The following ADK variants were observed in gnomAD, a reference collection of about 807,000 sequenced individuals.
ADK encodes adenosine kinase.
ADK carries 24 observed loss-of-function variants against 44.7 expected under a neutral mutation model. The ratio of observed to expected loss-of-function variants is 0.54; its 90% CI spans 0.39 to 0.76. The LOEUF (loss-of-function observed/expected upper bound fraction) is 0.76, where lower values mean the gene tolerates loss of function less well. ADK is among the 30% of genes least tolerant of loss of function. The pLI is 0.00. For synonymous variants in ADK, 128 were observed against 142.6 expected, an observed-to-expected ratio of 0.90 and a Z score of 0.73; for missense variants, 321 against 425.1, an observed-to-expected ratio of 0.76 and a Z score of 2.15.
intron 4 of ADK, among the ~76,000 whole-genome samples, chr10:74,364,531 A>G (rs1842437284): frequency 1.3e-5 from 2 of 152,154 alleles, no homozygotes; most frequent in Admixed American, 6.6e-5. Flanking sequence ...TAACTCTGAA[A>G]CTTTTCCTGT....
At chr10:74,322,742 C>T (rs557296118) in intron 4 of ADK, among the ~76,000 whole-genome samples, 1 of 151,616 alleles carries the variant, frequency 6.6e-6, no homozygotes, top group African/African-American at 2.4e-5. Context: ...TCCTTTCTCT[C>T]TCTTCTTCCC....
chr10:74,340,333 T>C (rs942785948), intron 4 of ADK, among the ~76,000 whole-genome samples: 1 of 152,142 alleles, frequency 6.6e-6, no homozygotes, highest in Non-Finnish European at 1.5e-5. Flanking sequence ...AAAAAGTCAG[T>C]TGTTTCCTTA....
At position 74,362,302 on chromosome 10, in the gene ADK, A is replaced by T. The variant is rs540646948; in HGVS notation, c.274-31839A>T. ...CATATTTTTAATCATTTTTCTTTGA[A>T]CTCACTGATTCTTTTATTTGGTTAA... On this transcript the variant is annotated intron_variant, in intron 4 of 10. Transcript: ENST00000539909. 2.7e-5 allele frequency among the ~76,000 whole-genome samples: 4 copies of T among 146,242 alleles called. No homozygotes were observed. The South Asian group carries it at 8.6e-4, about 32-fold the overall frequency.
At position 74,151,302 on chromosome 10, in the gene ADK, G is replaced by A. The variant is rs1433806698; in HGVS notation, c.24G>A (p.Pro8=). The A allele has an allele frequency of 9.7e-6, 15 of 1,549,528 alleles. No individual in the cohort carries two copies. In the South Asian group the frequency reaches 1.4e-4, roughly 15 times the overall value. The change falls in exon 1 of 11, where the codon CCG becomes CCA. Residue 8 remains proline (P), a synonymous_variant. Coordinates refer to ENST00000539909, the MANE Select transcript of ADK (RefSeq NM_006721.4). MAAAEEE[P]KPKKLKVEAP... ...AGATGGCAGCTGCTGAGGAGGAGCCGAAGCCCAAAAAGCTGAAGGTGGAGG... is the reference window on the plus strand; with the variant it reads ...AGATGGCAGCTGCTGAGGAGGAGCCAAAGCCCAAAAAGCTGAAGGTGGAGG...
At chr10:74,547,156 T>C (rs775408738) in intron 7 of ADK, among the ~76,000 whole-genome samples, 3 of 152,114 alleles carry the variant, frequency 2.0e-5, no homozygotes, top group Non-Finnish European at 4.4e-5. Flanking sequence ...ATTCTTGCTT[T>C]TTCTCTCTTT....
chr10:74,614,943 CTA>C (rs1852695085), intron 9 of ADK, among the ~76,000 whole-genome samples: 1 of 152,140 alleles, frequency 6.6e-6, no homozygotes. Context: ...ATTTCTGTAT[CTA>C]TATGTTTATA....
chr10:74,440,081 C>G (rs1313047596), intron 6 of ADK, among the ~76,000 whole-genome samples: 1 of 151,608 alleles, frequency 6.6e-6, no homozygotes, highest in Non-Finnish European at 1.5e-5. Context: ...TTTTCCTATC[C>G]CTATTTCCTG....
chr10:74,659,481 A>G (rs1174045283), intron 9 of ADK, among the ~76,000 whole-genome samples: 4 of 152,252 alleles, frequency 2.6e-5, no homozygotes, highest in Non-Finnish European at 5.9e-5. Context: ...AGAGGCAGGT[A>G]GTCTGCAAGG....
intron 9 of ADK, among the ~76,000 whole-genome samples, chr10:74,625,847 T>C (rs1853178619): frequency 6.6e-6 from 1 of 152,180 alleles, no homozygotes; most frequent in Non-Finnish European, 1.5e-5. Context: ...GTTTATACTA[T>C]AGTGTTTGCT....
rs781097628 is a variant in ADK at position 74,369,601 on chromosome 10, T to C, written c.274-24540T>C. Among the ~76,000 whole-genome samples the C allele has an allele frequency of 7.8e-4, 119 of 152,184 alleles. 2 individuals are homozygous for C. Among genetic ancestry groups the C allele is most frequent in the Non-Finnish European group, 7.4e-5 (5 of 68,026 alleles). On this transcript the variant is annotated intron_variant, in intron 4 of 10. Transcript: ENST00000539909. ...GATAAAATCCAACATCCATTCCTCA[T>C]AAAATCACTCCTGAAACTGGTGATA... is the stretch of plus-strand genomic sequence containing the variant.
chr10:74,421,373 T>C (rs530746156), intron 6 of ADK, among the ~76,000 whole-genome samples: 9 of 152,254 alleles, frequency 5.9e-5, no homozygotes, highest in African/African-American at 2.2e-4. Context: ...GAAGGGATGT[T>C]ACAGATAAAT....
rs557583177 is a variant in ADK, at chr10:74,421,383, TAAAC to T, written c.555+22807_555+22810del. Among the ~76,000 whole-genome samples, 12 of 152,198 alleles carry T rather than the reference TAAAC, an allele frequency of 7.9e-5. No individual in the cohort carries two copies. The South Asian group carries it at 2.5e-3, about 32-fold the overall frequency. ...GTCAGGAAGGGATGTTACAGATAAA[TAAAC>T]AAGAGGGGAGAGCCAGAATGAAACC... is the stretch of plus-strand genomic sequence containing the variant. On this transcript the variant is annotated intron_variant, in intron 6 of 10. Coordinates refer to ENST00000539909, the MANE Select transcript of ADK (RefSeq NM_006721.4).
intron 4 of ADK, among the ~76,000 whole-genome samples, chr10:74,330,424 TA>T (rs1056853951): frequency 2.6e-5 from 4 of 152,056 alleles, no homozygotes; most frequent in Admixed American, 6.6e-5. Flanking sequence ...TCCTGTCTCT[TA>T]AAAAAAATTT....
At position 74,574,057 on chromosome 10, in the gene ADK, G is replaced by A. The variant is rs954240127; in HGVS notation, c.727-15225G>A. On this transcript the variant is annotated intron_variant, in intron 7 of 10. Coordinates refer to ENST00000539909, the MANE Select transcript of ADK (RefSeq NM_006721.4). ...TGGCACTCCCTAGTGAGATGAACCC[G>A]GTACCCCAAATGGAAATGCAGAAAT... Among the ~76,000 whole-genome samples, 11 of 152,142 alleles carry A rather than the reference G, an allele frequency of 7.2e-5. No homozygotes were observed. In the South Asian group the frequency reaches 8.3e-4, roughly 11 times the overall value.
At chr10:74,289,353 A>C (rs1847315980) in intron 3 of ADK, among the ~76,000 whole-genome samples, 1 of 152,122 alleles carries the variant, frequency 6.6e-6, no homozygotes, top group Non-Finnish European at 1.5e-5. Context: ...GGCTGAAGGA[A>C]CTACATTTTT....
chr10:74,232,466 G>C (rs769976579), intron 3 of ADK, among the ~76,000 whole-genome samples: 51 of 150,776 alleles, frequency 3.4e-4, no homozygotes, highest in Non-Finnish European at 6.9e-4. Flanking sequence ...AGGCTGCAGT[G>C]AGCAAAGATT....
intron 9 of ADK, among the ~76,000 whole-genome samples, chr10:74,649,754 G>A (rs1399639781): frequency 6.6e-6 from 1 of 152,150 alleles, no homozygotes; most frequent in Non-Finnish European, 1.5e-5. Context: ...TAGTCAAGAA[G>A]GAAGAGCTAT....
intron 4 of ADK, among the ~76,000 whole-genome samples, chr10:74,372,934 A>T (rs1408321993): frequency 6.6e-6 from 1 of 152,222 alleles, no homozygotes; most frequent in Non-Finnish European, 1.5e-5. Flanking sequence ...TTCCCAATTA[A>T]AAAACGTATG....
At chr10:74,151,585 G>T (rs762314393) in intron 1 of ADK, among the ~76,000 whole-genome samples, 1 of 152,332 alleles carries the variant, frequency 6.6e-6, no homozygotes, top group South Asian at 2.1e-4. Flanking sequence ...GTCGTGGCCC[G>T]CAGGGGGACC....
Sources: gnomAD v4.1 joint callset for allele counts (sites outside exome capture counted in the v4.1 genomes callset) on GRCh38, gnomAD v4.1.1 for gene constraint, MANE v1.5 for transcripts, NCBI Gene and HGNC (gene_info 2026-07-23, HGNC 2026-07-21) for gene names.